NUBPL: variants seen among roughly 807,000 people sequenced by gnomAD.
NUBPL encodes NUBP iron-sulfur cluster assembly factor, mitochondrial, also known as iron-sulfur cluster transfer protein NUBPL.
Under a neutral mutation model 45.7 loss-of-function variants are expected in NUBPL, and 31 were observed. That is an observed-to-expected ratio of 0.68 (90% confidence interval 0.51 to 0.92). The LOEUF is 0.92. Among genes scored for constraint, NUBPL ranks in the 40% least tolerant of loss-of-function variants. NUBPL has a pLI of 0.00. For synonymous variants in NUBPL, 144 were observed against 140.9 expected, an observed-to-expected ratio of 1.02 and a Z score of -0.15; for missense variants, 401 against 398.7, an observed-to-expected ratio of 1.01 and a Z score of -0.05.
intron 6 of NUBPL, among the ~76,000 whole-genome samples, chr14:31,688,205 C>G (rs2036999297): frequency 6.6e-6 from 1 of 152,040 alleles, no homozygotes; most frequent in African/African-American, 2.4e-5. Context: ...AAGAGGTTTC[C>G]CTTAAAAAAA....
At chr14:31,739,255 T>A (rs57643075) in intron 6 of NUBPL, among the ~76,000 whole-genome samples, 61,513 of 132,662 alleles carry the variant, frequency 0.46, 14,743 homozygotes, top group African/African-American at 0.67. Flanking sequence ...TATATATATT[T>A]TTTTTTTTTA....
chr14:31,710,607 TC>T (rs1217375850), intron 6 of NUBPL, among the ~76,000 whole-genome samples: 3 of 151,974 alleles, frequency 2.0e-5, no homozygotes, highest in Non-Finnish European at 1.5e-5. Flanking sequence ...CCTGTTAGAG[TC>T]CTAAACATTC....
intron 6 of NUBPL, among the ~76,000 whole-genome samples, chr14:31,694,218 T>C (rs2037164124): frequency 6.6e-6 from 1 of 152,184 alleles, no homozygotes; most frequent in Non-Finnish European, 1.5e-5. Context: ...TTTGGGAGCT[T>C]AATGTGAAGC....
In NUBPL at chr14:31,561,504, C is replaced by CTTGGTGGGG; in HGVS notation, c.66_67insTGGTGGGGT (p.Thr22_Ala23insTrpTrpGly). On this transcript the variant is annotated inframe_insertion, in exon 1 of 11. Coordinates refer to ENST00000281081, the MANE Select transcript of NUBPL (RefSeq NM_025152.3). Reference sequence around the variant, plus strand: ...TCGCTCCGGGCTGGTGGCGGGGCCACTGCCCCGCTTGGGGGAAGCCGAGCG... The same window carrying CTTGGTGGGG: ...TCGCTCCGGGCTGGTGGCGGGGCCACTTGGTGGGGTGCCCCGCTTGGGGGAAGCCGAGCG... 1 of 1,393,932 alleles carries CTTGGTGGGG rather than the reference C, an allele frequency of 7.2e-7. No individual in the cohort carries two copies. The highest frequency in any genetic ancestry group is 9.4e-7 in the Non-Finnish European group (1 of 1,066,914). The allele number at this position is 1,393,932 out of a possible 1,614,324, so 86.3% of individuals were successfully genotyped here.
chr14:31,616,861 G>T (rs2034915917), intron 4 of NUBPL, among the ~76,000 whole-genome samples: 1 of 152,080 alleles, frequency 6.6e-6, no homozygotes, highest in Non-Finnish European at 1.5e-5. Context: ...AATTACTTTG[G>T]GTAGTATGGC....
intron 3 of NUBPL, among the ~76,000 whole-genome samples, chr14:31,584,339 G>T (rs1402211348): frequency 1.3e-5 from 2 of 151,996 alleles, no homozygotes; most frequent in Non-Finnish European, 2.9e-5. Context: ...TGCCAAGGCT[G>T]GTCTTTAACT....
intron 3 of NUBPL, among the ~76,000 whole-genome samples, chr14:31,581,982 T>C (rs2033875591): frequency 6.6e-6 from 1 of 152,232 alleles, no homozygotes; most frequent in East Asian, 1.9e-4. Context: ...TTTTAATTGA[T>C]ATAGCACATT....
At chr14:31,618,174 T>C (rs994232080) in intron 4 of NUBPL, among the ~76,000 whole-genome samples, 4 of 152,210 alleles carry the variant, frequency 2.6e-5, no homozygotes, top group African/African-American at 7.2e-5. Context: ...TTTTCTTCTT[T>C]ATTAGTCTGG....
chr14:31,823,750 A>G (rs2040054936), intron 7 of NUBPL, among the ~76,000 whole-genome samples: 2 of 152,134 alleles, frequency 1.3e-5, no homozygotes, highest in South Asian at 4.1e-4. Flanking sequence ...GAAGTTAGTT[A>G]TACAGCTGGA....
At chr14:31,612,030 C>G (rs954211539) in intron 4 of NUBPL, among the ~76,000 whole-genome samples, 2 of 152,106 alleles carry the variant, frequency 1.3e-5, no homozygotes, top group African/African-American at 4.8e-5. Flanking sequence ...GAGCAATACC[C>G]AACAAGCACA....
intron 6 of NUBPL, among the ~76,000 whole-genome samples, chr14:31,718,476 A>C (rs1595538854): frequency 2.6e-5 from 4 of 152,332 alleles, no homozygotes; most frequent in Admixed American, 2.6e-4. Flanking sequence ...AGATTCTGTC[A>C]TATGGCCAGA....
chr14:31,750,578 T>C (rs954051676), intron 6 of NUBPL, among the ~76,000 whole-genome samples: 3 of 152,110 alleles, frequency 2.0e-5, no homozygotes, highest in African/African-American at 7.2e-5. Flanking sequence ...ATTATCATGT[T>C]CTTTGGAGGC....
intron 7 of NUBPL, among the ~76,000 whole-genome samples, chr14:31,809,484 G>T (rs2039757507): frequency 6.6e-6 from 1 of 152,030 alleles, no homozygotes; most frequent in Non-Finnish European, 1.5e-5. Flanking sequence ...ATTTTTTATT[G>T]TGTCTTTTTG....
In NUBPL at chr14:31,666,256, TA is replaced by T. The variant is rs1199406089; in HGVS notation, c.383-7098del. ...ATATATATATATATATATATATATA[TA>T]TATATAATTTTATTTTATTTTTTTT... On this transcript the variant is annotated intron_variant, in intron 4 of 10. Coordinates refer to ENST00000281081, the MANE Select transcript of NUBPL (RefSeq NM_025152.3). Among the ~76,000 whole-genome samples the T allele has an allele frequency of 9.0e-3, 452 of 50,254 alleles. 21 individuals are homozygous for T. Among genetic ancestry groups the T allele is most frequent in the African/African-American group, 0.026 (243 of 9,462 alleles). 33.0% of individuals were successfully genotyped at this position (50,254 alleles called of 152,430 possible).
rs905295032 is a variant in NUBPL, at chr14:31,655,554, A to G, written c.383-17801A>G. On this transcript the variant is annotated intron_variant, in intron 4 of 10. Coordinates refer to ENST00000281081, the MANE Select transcript of NUBPL (RefSeq NM_025152.3). ...ATGGCAAAACCCCGTCTCTACTGAA[A>G]ATACAAAAATTAGCAAGGCATGGCA... Among the ~76,000 whole-genome samples, 10 of 152,186 alleles carry G rather than the reference A, an allele frequency of 6.6e-5. 1 individual carries two copies. The highest frequency in any genetic ancestry group is 1.3e-4 in the Admixed American group (2 of 15,286).
intron 3 of NUBPL, among the ~76,000 whole-genome samples, chr14:31,576,878 T>G (rs1365010400): frequency 6.6e-6 from 1 of 152,218 alleles, no homozygotes; most frequent in Non-Finnish European, 1.5e-5. Context: ...GTAGGATTGT[T>G]GATTGCAGTG....
intron 6 of NUBPL, among the ~76,000 whole-genome samples, chr14:31,710,319 T>G (rs940069558): frequency 8.5e-5 from 13 of 152,050 alleles, no homozygotes; most frequent in Non-Finnish European, 1.9e-4. Flanking sequence ...CCCTGCTGAT[T>G]GGAATAGTTG....
At chr14:31,676,539 G>C (rs2036703869) in intron 6 of NUBPL, among the ~76,000 whole-genome samples, 1 of 151,456 alleles carries the variant, frequency 6.6e-6, no homozygotes, top group African/African-American at 2.4e-5. Context: ...TTTTACAGTT[G>C]TTCAGAAGTT....
chr14:31,711,161 C>G (rs1456083795), intron 6 of NUBPL, among the ~76,000 whole-genome samples: 2 of 152,154 alleles, frequency 1.3e-5, no homozygotes, highest in South Asian at 2.1e-4. Flanking sequence ...CAGGGTCAAC[C>G]AACTTGTTGT....
Sources: allele counts gnomAD v4.1 joint callset (sites outside exome capture counted in the v4.1 genomes callset), GRCh38; gene constraint gnomAD v4.1.1; transcripts MANE v1.5; gene names NCBI Gene and HGNC (gene_info 2026-07-23, HGNC 2026-07-21).